TMEM44: variants seen among roughly 807,000 people sequenced by gnomAD.
TMEM44 encodes transmembrane protein 44.
A neutral mutation model predicts 47.8 loss-of-function variants in TMEM44; 43 were observed. The observed-to-expected ratio is 0.90, with a 90% CI of 0.70 to 1.16. TMEM44 has a LOEUF of 1.16. Among genes scored for constraint, TMEM44 ranks in the 50% most tolerant of loss-of-function variants. TMEM44 has a pLI of 0.00. For missense variants in TMEM44, 568 were observed against 555.2 expected, an observed-to-expected ratio of 1.02 and a Z score of -0.23; for synonymous variants, 277 against 238.8, an observed-to-expected ratio of 1.16 and a Z score of -1.48.
intron 6 of TMEM44, 107 bp downstream of exon 6, chr3:194,616,992 G>T: frequency 7.9e-7 from 1 of 1,263,062 alleles, no homozygotes; most frequent in Non-Finnish European, 1.1e-6. Context: ...TGCTGGGAGA[G>T]TTCCATCTAG....
Position 194,621,589 on chromosome 3 carries a change from G to T in TMEM44, c.612+1635C>A, listed in dbSNP as rs551938325. ...CACCTGCTGATGAGGCCCAGGCCCT[G>T]CGAGGCTTCTGGCAGTCACAGCACA... On this transcript the variant is annotated intron_variant, in intron 5 of 9. Transcript: ENST00000347147. Among the ~76,000 whole-genome samples the T allele has an allele frequency of 4.6e-3, 696 of 152,314 alleles. 3 individuals are homozygous for T. Among genetic ancestry groups the T allele is most frequent in the African/African-American group, 0.016 (645 of 41,574 alleles).
At chr3:194,594,161 ATCTATATC>A (rs1713120839) in intron 9 of TMEM44, among the ~76,000 whole-genome samples, 1 of 96,514 alleles carries the variant, frequency 1.0e-5, no homozygotes, top group Non-Finnish European at 2.3e-5. Context: ...CTATCTATCT[ATCTATATC>A]TATCTATCTG....
chr3:194,592,167 G>A (rs979500982), intron 9 of TMEM44, among the ~76,000 whole-genome samples: 11 of 150,430 alleles, frequency 7.3e-5, no homozygotes, highest in African/African-American at 2.5e-4. Flanking sequence ...GCAGTGAGCC[G>A]AGATCGCACC....
Position 194,611,047 on chromosome 3 carries a change from AAG to A in TMEM44, c.913-29_913-28del. The A allele has an allele frequency of 6.3e-7, 1 of 1,592,386 alleles. No individual in the cohort carries two copies. Among genetic ancestry groups the A allele is most frequent in the Non-Finnish European group, 8.6e-7 (1 of 1,161,122 alleles). ...TTGCAAGTAGAGGCAGGGAGACAGA[AAG>A]GGGAATTCTCAAAGTCAGGAGGCAT... On this transcript the variant is annotated intron_variant, in intron 7 of 9. Coordinates refer to ENST00000347147, the MANE Select transcript of TMEM44 (RefSeq NM_001011655.3). The surrounding 1 kb of genome is among the most constrained non-coding windows in gnomAD (Gnocchi z 4.2).
chr3:194,608,821 G>A (rs371335529), intron 8 of TMEM44, among the ~76,000 whole-genome samples: 3 of 152,176 alleles, frequency 2.0e-5, no homozygotes, highest in Admixed American at 1.3e-4. Flanking sequence ...AGGATTACAG[G>A]TGTGGGCCAC....
chr3:194,623,690 C>T lies in TMEM44; in HGVS notation c.364G>A (p.Glu122Lys), dbSNP rs761486059. The T allele has an allele frequency of 1.2e-6, 2 of 1,613,966 alleles. No homozygotes were observed. Among genetic ancestry groups the T allele is most frequent in the South Asian group, 1.1e-5 (1 of 91,050 alleles). The part of the protein sequence containing the change: ...GSKFKSNSDR[E>K]ARERKRRRQL... ...CGCCTCCTCTTCCTCTCTCGGGCTT[C>T]CCGATCTGCAACAGACACCAAAATC... Residue 122 changes from glutamate (E) to lysine (K), a missense_variant, in exon 4 of 10, where the codon GAA becomes AAA. Transcript: ENST00000347147.
At chr3:194,617,294 G>T in intron 5 of TMEM44, 25 bp from the exon 6 acceptor site, 1 of 1,462,010 alleles carries the variant, frequency 6.8e-7, no homozygotes, top group Non-Finnish European at 9.2e-7. Context: ...GGAGGGGCTG[G>T]GCGGGAGAAG....
intron 9 of TMEM44, 22 bp from the exon 10 acceptor site, chr3:194,588,661 G>C (rs777060183): frequency 1.4e-5 from 22 of 1,606,698 alleles, no homozygotes; most frequent in East Asian, 4.5e-5. Flanking sequence ...AGATGCAAAG[G>C]GTAGCTGGGT....
chr3:194,612,021 A>AAAAT (rs10578893), intron 7 of TMEM44, among the ~76,000 whole-genome samples: 44,601 of 146,308 alleles, frequency 0.3, 7,735 homozygotes, highest in Non-Finnish European at 0.4. Flanking sequence ...CTCCGTCTCA[A>AAAAT]AAATAAATAA....
rs1222683087 is a variant in TMEM44 at position 194,628,383 on chromosome 3, C to T, written c.264G>A (p.Gln88=). ...ACTGTCAGCTGGAGGCCCAACATAC[C>T]TGGATTGTGAGCTGTCTGGCCAGAA... is the stretch of plus-strand genomic sequence containing the variant. ...GALLARQLTI[Q]VFTGAYLAAI... is the part of the protein sequence containing the mutation. The change falls in exon 2 of 10, where the codon CAG becomes CAA. Residue 88 remains glutamine, a splice_region_variant and synonymous_variant. Transcript: ENST00000347147. 2 of 1,610,276 alleles carry T rather than the reference C, an allele frequency of 1.2e-6. No homozygotes were observed. The highest frequency in any genetic ancestry group is 2.2e-5 in the South Asian group (2 of 90,306).
chr3:194,615,520 G>T (rs1560182862), intron 7 of TMEM44, 49 bp downstream of exon 7: 4 of 1,601,032 alleles, frequency 2.5e-6, no homozygotes, highest in Non-Finnish European at 3.4e-6. Context: ...AGATACTGTT[G>T]CTGGGACCAG....
chr3:194,613,996 C>T (rs1218562290), intron 7 of TMEM44, among the ~76,000 whole-genome samples: 2 of 151,842 alleles, frequency 1.3e-5, no homozygotes, highest in Admixed American at 1.3e-4. Context: ...GTGGTGCATG[C>T]CTGTAATCCC....
chr3:194,625,512 T>G (rs1268602474), intron 3 of TMEM44, among the ~76,000 whole-genome samples: 1 of 152,068 alleles, frequency 6.6e-6, no homozygotes, highest in East Asian at 1.9e-4. Flanking sequence ...GACGGACTCT[T>G]GCTCTGTCGC....
chr3:194,598,314 A>C (rs1403002911), intron 9 of TMEM44, among the ~76,000 whole-genome samples: 1 of 152,112 alleles, frequency 6.6e-6, no homozygotes, highest in African/African-American at 2.4e-5. Flanking sequence ...CTGGAGTGAA[A>C]AGACACCTGG....
At chr3:194,603,741 T>G (rs2898610) in intron 9 of TMEM44, among the ~76,000 whole-genome samples, 19,305 of 152,140 alleles carry the variant, frequency 0.13, 2,765 homozygotes, top group African/African-American at 0.36. Context: ...CATTCATCAC[T>G]CAAGTGATCG....
Position 194,617,145 on chromosome 3 carries a change from G to A in TMEM44, c.737C>T (p.Thr246Ile). 6.4e-7 allele frequency: 1 copy of A among 1,559,076 alleles called. No individual in the cohort carries two copies. Among genetic ancestry groups the A allele is most frequent in the African/African-American group, 1.4e-5 (1 of 73,626 alleles). Residue 246 changes from threonine (T) to isoleucine (I), a missense_variant, in exon 6 of 10, where the codon ACA becomes ATA. Transcript: ENST00000347147. The part of the protein sequence containing the change: ...DQHPEYLLRA[T>I]PWFLTSLGRA... ...GCCGAGGGAGGTCAGGAACCAGGGT[G>A]TGGCCCGCAGCAGGTACTCAGGGTG...
rs1272930614 is a variant in TMEM44 at position 194,604,472 on chromosome 3, C to G, written c.1018-27G>C. On this transcript the variant is annotated intron_variant, in intron 8 of 9. Transcript: ENST00000347147. The stretch of plus-strand genomic sequence containing the variant: ...TGCAAGGTGTGTGAGAAAGGGCAGG[C>G]AAGGACACGTAGTTTAGTTTTGATG... 5 of 1,474,620 alleles carry G rather than the reference C, an allele frequency of 3.4e-6. No homozygotes were observed. The South Asian group carries it at 5.5e-5, about 16-fold the overall frequency. The allele number at this position is 1,474,620 out of a possible 1,614,324, so 91.3% of individuals were successfully genotyped here. A position where few individuals can be genotyped will look rare whatever the true frequency, so the allele number is the denominator to read the frequency against.
At chr3:194,589,200 A>G (rs994125664) in intron 9 of TMEM44, 1 of 153,650 alleles carries the variant, frequency 6.5e-6, no homozygotes, top group African/African-American at 2.4e-5. Context: ...AAGTCTTGCA[A>G]TGTTGCCCAG....
Position 194,623,521 on chromosome 3 carries a change from A to C in TMEM44, c.525+8T>G. Reference sequence around the variant, plus strand: ...CCCCGAGTCCTCCCCACGGTGGCCCAGCCTCACCTGCAGCAGGCTCGCTAG... The same window carrying C: ...CCCCGAGTCCTCCCCACGGTGGCCCCGCCTCACCTGCAGCAGGCTCGCTAG... On this transcript the variant is annotated splice_region_variant and intron_variant, in intron 4 of 9. Coordinates refer to ENST00000347147, the MANE Select transcript of TMEM44 (RefSeq NM_001011655.3). 1 of 1,578,588 alleles carries C rather than the reference A, an allele frequency of 6.3e-7. No homozygotes were observed. Among genetic ancestry groups the C allele is most frequent in the East Asian group, 2.3e-5 (1 of 44,186 alleles).
Sources: gnomAD v4.1 joint callset for allele counts (sites outside exome capture counted in the v4.1 genomes callset) on GRCh38, gnomAD v4.1.1 for gene constraint, Gnocchi (gnomAD v3.1) non-coding constraint, MANE v1.5 for transcripts, NCBI Gene and HGNC (gene_info 2026-07-23, HGNC 2026-07-21) for gene names.